The following RPSA variants were observed in gnomAD, a reference collection of about 807,000 sequenced individuals.
RPSA encodes small ribosomal subunit protein uS2.
For missense variants in RPSA, 140 were observed against 372.8 expected (o/e 0.38, Z 5.14); for synonymous variants, 103 against 126.7 (o/e 0.81, Z 1.25).
Position 39,407,538 on chromosome 3 carries a change from A to T in RPSA, c.-33-83A>T, listed in dbSNP as rs1217919856. 8.5e-6 allele frequency: 8 copies of T among 943,138 alleles called. No individual in the cohort carries two copies. In the African/African-American group the frequency reaches 1.3e-4, roughly 15 times the overall value. The allele number at this position is 943,138 out of a possible 1,614,324, so 58.4% of individuals were successfully genotyped here. ...TAAGCTCAATGCCTGACACTATAGC[A>T]GATGGAGTTTTTGGTTGCTTTTAAG... On this transcript the variant is annotated intron_variant, in intron 1 of 6. Coordinates refer to ENST00000301821, the MANE Select transcript of RPSA (RefSeq NM_002295.6).
Position 39,411,967 on chromosome 3 carries a change from T to C in RPSA, c.699T>C (p.Ala233=). The C allele has an allele frequency of 2.5e-6, 4 of 1,601,150 alleles. No individual in the cohort carries two copies. The highest frequency in any genetic ancestry group is 2.5e-6 in the Non-Finnish European group (3 of 1,179,930). The change falls in exon 6 of 7, where the codon GCT becomes GCC. Residue 233 remains alanine (A), a synonymous_variant. Coordinates refer to ENST00000301821, the MANE Select transcript of RPSA (RefSeq NM_002295.6). The stretch of plus-strand genomic sequence containing the variant: ...AGGAATTTCAGGGTGAATGGACTGC[T>C]CCCGCTCCTGAGTTCACTGCTACTC... ...TKEEFQGEWT[A]PAPEFTATQP...
chr3:39,407,816 C>G (rs758425347), intron 2 of RPSA, 30 bp downstream of exon 2: 4 of 1,583,710 alleles, frequency 2.5e-6, no homozygotes, highest in Non-Finnish European at 3.4e-6. Context: ...TTTTGTTACT[C>G]CAGCTGTAAG....
chr3:39,410,384 G>A (rs1575257278), intron 3 of RPSA: 2 of 283,230 alleles, frequency 7.1e-6, no homozygotes, highest in East Asian at 8.0e-5. Context: ...TTTGCAGAGG[G>A]TTATTCCTGA....
At chr3:39,406,939 G>C (rs2041925787) in intron 1 of RPSA, 175 bp downstream of exon 1, 1 of 452,964 alleles carries the variant, frequency 2.2e-6, no homozygotes, top group African/African-American at 2.0e-5. Flanking sequence ...GGGCTGGCGG[G>C]TTCCCAGAGT....
At position 39,407,533 on chromosome 3, in the gene RPSA, A is replaced by G. The variant is rs1043313538; in HGVS notation, c.-33-88A>G. The G allele has an allele frequency of 1.5e-5, 14 of 916,056 alleles. No individual in the cohort carries two copies. The Admixed American group carries it at 1.9e-4, about 12-fold the overall frequency. 56.7% of individuals were successfully genotyped at this position (916,056 alleles called of 1,614,324 possible). ...CACTGTAAGCTCAATGCCTGACACT[A>G]TAGCAGATGGAGTTTTTGGTTGCTT... On this transcript the variant is annotated intron_variant, in intron 1 of 6. Transcript: ENST00000301821.
chr3:39,411,353 C>A (rs563412428), intron 4 of RPSA: 3 of 570,058 alleles, frequency 5.3e-6, no homozygotes, highest in African/African-American at 3.7e-5. Context: ...CTATAAGATG[C>A]TAAAAAGGTG....
Position 39,411,928 on chromosome 3 carries a change from G to T in RPSA, c.660G>T (p.Lys220Asn). The T allele has an allele frequency of 6.3e-7, 1 of 1,599,784 alleles. No homozygotes were observed. The highest frequency in any genetic ancestry group is 8.5e-7 in the Non-Finnish European group (1 of 1,179,928). ...IEKEEQAAAE[K>N]AVTKEEFQGE... ...AAGAAGAGCAGGCTGCTGCTGAGAA[G>T]GCAGTGACCAAGGAGGAATTTCAGG... Residue 220 changes from lysine (K) to asparagine (N), a missense_variant, in exon 6 of 7, where the codon AAG (lysine) becomes AAT (asparagine). Transcript: ENST00000301821.
In RPSA at chr3:39,406,881, G is replaced by C. The variant is rs148104292; in HGVS notation, c.-34+117G>C. 160 of 456,264 alleles carry C rather than the reference G, an allele frequency of 3.5e-4. 1 individual carries two copies. In the East Asian group the frequency reaches 9.9e-3, roughly 28 times the overall value. 28.3% of individuals were successfully genotyped at this position (456,264 alleles called of 1,614,324 possible). A position where few individuals can be genotyped will look rare whatever the true frequency, so the allele number is the denominator to read the frequency against. On this transcript the variant is annotated intron_variant, in intron 1 of 6. Coordinates refer to ENST00000301821, the MANE Select transcript of RPSA (RefSeq NM_002295.6). ...GCCGGTCAGACTGGATCTGTCTCCC[G>C]CCCGGCGCGCCCCACCTTAGGCCTG...
rs559844268 is a variant in RPSA, at chr3:39,411,562, G to T, written c.499-87G>T. ...CAACTAAGAGATGTCTGTACTTTTG[G>T]TACCTAGATGATGTAAGAGCCAGGA... is the stretch of plus-strand genomic sequence containing the variant. On this transcript the variant is annotated intron_variant, in intron 4 of 6. Transcript: ENST00000301821. The T allele has an allele frequency of 2.8e-5, 39 of 1,407,456 alleles. No individual in the cohort carries two copies. In the East Asian group the frequency reaches 8.9e-4, roughly 32 times the overall value. 87.2% of individuals were successfully genotyped at this position (1,407,456 alleles called of 1,614,324 possible).
At chr3:39,409,065 CAG>C (rs979378758) in intron 3 of RPSA, 86 of 165,824 alleles carry the variant, frequency 5.2e-4, no homozygotes, top group Admixed American at 1.1e-3. Context: ...GCCTGGGTGA[CAG>C]AGCCGAGACT....
intron 3 of RPSA, among the ~76,000 whole-genome samples, chr3:39,409,878 G>T (rs963014805): frequency 6.6e-6 from 1 of 152,062 alleles, no homozygotes; most frequent in African/African-American, 2.4e-5. Flanking sequence ...TGTAATATGG[G>T]GTACTTTGTG....
intron 6 of RPSA, 74 bp downstream of exon 6, chr3:39,412,135 CTG>C: frequency 1.4e-6 from 2 of 1,461,864 alleles, no homozygotes; most frequent in South Asian, 1.1e-5. Flanking sequence ...TTAATGATCT[CTG>C]TGACTTTTAT....
At position 39,411,808 on chromosome 3, in the gene RPSA, A is replaced by G. The variant is rs1458704181; in HGVS notation, c.627+31A>G. The G allele has an allele frequency of 6.3e-6, 10 of 1,599,624 alleles. No homozygotes were observed. The South Asian group carries it at 1.1e-4, about 18-fold the overall frequency. On this transcript the variant is annotated intron_variant, in intron 5 of 6. Transcript: ENST00000301821. Reference sequence around the variant, plus strand: ...CTTCTCCAAAGGCTTGTGGTTACATAAGCAAATTGGACGACTTGGACTGTG... The same window carrying G: ...CTTCTCCAAAGGCTTGTGGTTACATGAGCAAATTGGACGACTTGGACTGTG...
intron 3 of RPSA, 171 bp downstream of exon 3, chr3:39,408,895 C>G: frequency 1.9e-6 from 1 of 518,348 alleles, no homozygotes; most frequent in Non-Finnish European, 3.5e-6. Context: ...TCAGGAGATC[C>G]ACACCACGGT....
intron 3 of RPSA, chr3:39,410,279 CAG>C (rs770118154): frequency 5.7e-4 from 94 of 164,944 alleles, no homozygotes; most frequent in Admixed American, 1.2e-3. Flanking sequence ...AGAGTTCTAA[CAG>C]GGATTTTATT....
chr3:39,411,520 C>T, intron 4 of RPSA, 129 bp from the exon 5 acceptor site: 1 of 925,242 alleles, frequency 1.1e-6, no homozygotes, highest in Non-Finnish European at 1.7e-6. Context: ...ATAATGCTCC[C>T]TGTTACAATT....
Position 39,411,629 on chromosome 3 carries a change from T to A in RPSA, c.499-20T>A. On this transcript the variant is annotated intron_variant, in intron 4 of 6. Coordinates refer to ENST00000301821, the MANE Select transcript of RPSA (RefSeq NM_002295.6). Reference sequence around the variant, plus strand: ...GGTTTGACCAAGTGTCACTTTTTAATAATCTGCCACTCTTGGCAGGGAGCT... The same window carrying A: ...GGTTTGACCAAGTGTCACTTTTTAAAAATCTGCCACTCTTGGCAGGGAGCT... 1 of 1,609,850 alleles carries A rather than the reference T, an allele frequency of 6.2e-7. No homozygotes were observed. Among genetic ancestry groups the A allele is most frequent in the Non-Finnish European group, 8.5e-7 (1 of 1,179,942 alleles).
At position 39,406,824 on chromosome 3, in the gene RPSA, T is replaced by C. The variant is rs530270279; in HGVS notation, c.-34+60T>C. ...GGCTAGAAAAATGAGCTTTTCCTGCTCAAATGAAGGGTGAGAAGACTAGTG... is the reference window on the plus strand; with the variant it reads ...GGCTAGAAAAATGAGCTTTTCCTGCCCAAATGAAGGGTGAGAAGACTAGTG... On this transcript the variant is annotated intron_variant, in intron 1 of 6. Coordinates refer to ENST00000301821, the MANE Select transcript of RPSA (RefSeq NM_002295.6). 14 of 455,286 alleles carry C rather than the reference T, an allele frequency of 3.1e-5. No homozygotes were observed. The East Asian group carries it at 7.7e-4, about 25-fold the overall frequency. The allele number at this position is 455,286 out of a possible 1,614,324, so 28.2% of individuals were successfully genotyped here.
At position 39,411,489 on chromosome 3, in the gene RPSA, C is replaced by T. The variant is rs114148755; in HGVS notation, c.499-160C>T. On this transcript the variant is annotated intron_variant, in intron 4 of 6. Coordinates refer to ENST00000301821, the MANE Select transcript of RPSA (RefSeq NM_002295.6). ...AATCCCTATGATTCCAGTGTGCAGA[C>T]AAGGTTGAAAATCCCTATTTATAAT... 6.4e-4 allele frequency: 471 copies of T among 731,690 alleles called. 1 individual carries two copies. The African/African-American group carries it at 6.8e-3, about 11-fold the overall frequency. 45.3% of individuals were successfully genotyped at this position (731,690 alleles called of 1,614,324 possible).
Sources: allele counts gnomAD v4.1 joint callset (sites outside exome capture counted in the v4.1 genomes callset), GRCh38; gene constraint gnomAD v4.1.1; transcripts MANE v1.5; gene names NCBI Gene and HGNC (gene_info 2026-07-23, HGNC 2026-07-21).